The following CEP63 variants were observed in gnomAD, a reference collection of about 807,000 sequenced individuals.
CEP63 encodes centrosomal protein of 63 kDa.
A neutral mutation model predicts 89.1 loss-of-function variants in CEP63; 84 were observed. The observed-to-expected ratio is 0.94, with a 90% CI of 0.79 to 1.13. CEP63 has a LOEUF of 1.13. Ranked by LOEUF, CEP63 falls within the 50% of genes most tolerant of loss-of-function variation. The pLI is 0.00. For synonymous variants in CEP63, 267 were observed against 272.5 expected, an observed-to-expected ratio of 0.98 and a Z score of 0.20; for missense variants, 838 against 813.3, an observed-to-expected ratio of 1.03 and a Z score of -0.37.
At chr3:134,557,372 A>ATTTTTTTTTTTTTTT (rs1488699483) in intron 12 of CEP63, among the ~76,000 whole-genome samples, 1 of 50,432 alleles carries the variant, frequency 2.0e-5, no homozygotes, top group African/African-American at 9.2e-5. Context: ...TACTTTCATA[A>ATTTTTTTTTTTTTTT]TTTGTTTTTT....
At chr3:134,625,922 C>T in the CEP63 span, among the ~76,000 whole-genome samples, 3 of 152,242 alleles carry the variant, frequency 2.0e-5, no homozygotes, top group Non-Finnish European at 4.4e-5. Flanking sequence ...TGATGCAGGG[C>T]CAGCAATCAT....
the CEP63 span, among the ~76,000 whole-genome samples, chr3:134,649,329 G>T: frequency 6.6e-6 from 1 of 152,160 alleles, no homozygotes; most frequent in South Asian, 2.1e-4. Flanking sequence ...CTGATGCCTG[G>T]TGTTTCCTGG....
the CEP63 span, among the ~76,000 whole-genome samples, chr3:134,623,223 G>C: frequency 2.0e-5 from 3 of 152,160 alleles, no homozygotes; most frequent in Non-Finnish European, 4.4e-5. Context: ...CTGGGTCTCT[G>C]GCCTCCGCTG....
At chr3:134,583,747 T>C (rs1285705202) in intron 10 of CEP63, among the ~76,000 whole-genome samples, 3 of 152,228 alleles carry the variant, frequency 2.0e-5, no homozygotes, top group Non-Finnish European at 4.4e-5. Flanking sequence ...GGGGATGGCA[T>C]TGAATCTATA....
At chr3:134,746,088 G>A in the CEP63 span, among the ~76,000 whole-genome samples, 2 of 144,322 alleles carry the variant, frequency 1.4e-5, no homozygotes, top group African/African-American at 5.0e-5. Context: ...CCCCATGACA[G>A]GCCCTGGTGT....
chr3:134,724,984 C>A, the CEP63 span, among the ~76,000 whole-genome samples: 2 of 152,064 alleles, frequency 1.3e-5, no homozygotes, highest in Non-Finnish European at 2.9e-5. Flanking sequence ...AACCAGCTGA[C>A]CTGGAGGAAA....
At chr3:134,603,525 C>G in the CEP63 span, 1 of 1,503,518 alleles carries the variant, frequency 6.7e-7, no homozygotes, top group East Asian at 2.3e-5. Context: ...TTCGAGCCCT[C>G]CCTGGGGAGG....
intron 5 of CEP63, among the ~76,000 whole-genome samples, chr3:134,534,682 GC>G (rs1950448435): frequency 1.3e-5 from 2 of 151,998 alleles, no homozygotes; most frequent in Non-Finnish European, 2.9e-5. Flanking sequence ...GTCATGTATC[GC>G]TGAACGTGGC....
the CEP63 span, among the ~76,000 whole-genome samples, chr3:134,686,976 C>T: frequency 1.3e-5 from 2 of 152,118 alleles, no homozygotes; most frequent in Non-Finnish European, 2.9e-5. Context: ...AAGGGCCTTC[C>T]CCCAGAGCAA....
chr3:134,566,925 C>T (rs894265859), downstream of CEP63, among the ~76,000 whole-genome samples: 1 of 152,038 alleles, frequency 6.6e-6, no homozygotes, highest in Non-Finnish European at 1.5e-5. Context: ...AATATATGCT[C>T]AAGAAAAATG....
At chr3:134,616,887 G>A in the CEP63 span, among the ~76,000 whole-genome samples, 1 of 152,210 alleles carries the variant, frequency 6.6e-6, no homozygotes, top group South Asian at 2.1e-4. Context: ...CCAAACTGCA[G>A]TCTCATTGAG....
At chr3:134,556,117 A>G (rs1956108440) in intron 12 of CEP63, among the ~76,000 whole-genome samples, 1 of 149,382 alleles carries the variant, frequency 6.7e-6, no homozygotes, top group Admixed American at 6.7e-5. Context: ...TTATACAAAA[A>G]TCAATTCAAG....
chr3:134,653,182 T>A, the CEP63 span, among the ~76,000 whole-genome samples: 2 of 152,210 alleles, frequency 1.3e-5, no homozygotes, highest in Admixed American at 1.3e-4. Context: ...TTGAGCCAGA[T>A]AATTCTCTTT....
intron 6 of CEP63, among the ~76,000 whole-genome samples, chr3:134,544,634 G>GGT (rs1046246919): frequency 9.8e-5 from 8 of 81,290 alleles, no homozygotes; most frequent in African/African-American, 2.4e-4. Context: ...ACATGCTCTA[G>GGT]GTGGGGGGGG....
chr3:134,607,074 C>T, the CEP63 span: 1 of 985,394 alleles, frequency 1.0e-6, no homozygotes, highest in Non-Finnish European at 1.2e-6. Context: ...TTTTATGTCT[C>T]TTAAAAAGGC....
the CEP63 span, among the ~76,000 whole-genome samples, chr3:134,675,170 T>C: frequency 6.6e-6 from 1 of 152,168 alleles, no homozygotes; most frequent in African/African-American, 2.4e-5. Context: ...TACTGTGTAG[T>C]CTGGCATATG....
chr3:134,690,522 A>C, the CEP63 span, among the ~76,000 whole-genome samples: 1 of 152,128 alleles, frequency 6.6e-6, no homozygotes, highest in Non-Finnish European at 1.5e-5. Context: ...CAGTTTCCAC[A>C]AGGTCCAGCC....
chr3:134,715,906 A>C, the CEP63 span, among the ~76,000 whole-genome samples: 1 of 152,106 alleles, frequency 6.6e-6, no homozygotes, highest in African/African-American at 2.4e-5. Flanking sequence ...CCTATTTAAT[A>C]TTTTCAATTA....
chr3:134,573,188 A>G (rs1560074455), intron 11 of CEP63, among the ~76,000 whole-genome samples: 1 of 151,986 alleles, frequency 6.6e-6, no homozygotes. Context: ...TAGTTTGAGG[A>G]TATGTTCTCC....
Sources: gnomAD v4.1 joint callset for allele counts (sites outside exome capture counted in the v4.1 genomes callset) on GRCh38, gnomAD v4.1.1 for gene constraint, MANE v1.5 for transcripts, NCBI Gene and HGNC (gene_info 2026-07-23, HGNC 2026-07-21) for gene names.